C9orf43: variants seen among roughly 807,000 people sequenced by gnomAD.
C9orf43 encodes the protein uncharacterized protein C9orf43.
A neutral mutation model predicts 59.1 loss-of-function variants in C9orf43; 45 were observed. The observed-to-expected ratio is 0.76, with a 90% confidence interval of 0.60 to 0.98. The LOEUF (loss-of-function observed/expected upper bound fraction) is 0.98. Ranked by LOEUF, C9orf43 falls within the 50% of genes least tolerant of loss-of-function variation. The pLI is 0.00. For missense variants in C9orf43, 533 were observed against 554.9 expected, an observed-to-expected ratio of 0.96 and a Z score of 0.40; for synonymous variants, 203 against 196.8, an observed-to-expected ratio of 1.03 and a Z score of -0.26.
rs1828671980 is a variant in C9orf43 at position 113,423,552 on chromosome 9, C to G, written c.656+54C>G. On this transcript the variant is annotated intron_variant, in intron 7 of 13. Transcript: ENST00000374165. ...CCAGAGCACCTGCTTTTTACTGAAG[C>G]TGGGATGGGTCTAAACAGTGTGCTT... 5 of 1,551,470 alleles carry G rather than the reference C, an allele frequency of 3.2e-6. No homozygotes were observed. The South Asian group carries it at 5.7e-5, about 18-fold the overall frequency.
Position 113,429,444 on chromosome 9 carries a change from G to T in C9orf43, c.*58G>T. 2 of 1,494,700 alleles carry T rather than the reference G, an allele frequency of 1.3e-6. No homozygotes were observed. The highest frequency in any genetic ancestry group is 9.3e-7 in the Non-Finnish European group (1 of 1,080,460). 92.6% of individuals were successfully genotyped at this position (1,494,700 alleles called of 1,614,324 possible). A position where few individuals can be genotyped will look rare whatever the true frequency, so the allele number is the denominator to read the frequency against. Reference sequence around the variant, plus strand: ...CCTGGGGCAGCCGTGTTCCAAAGCGGGATGGCTGGTATCCTGAGGGCAGCA... The same window carrying T: ...CCTGGGGCAGCCGTGTTCCAAAGCGTGATGGCTGGTATCCTGAGGGCAGCA... On this transcript the variant is annotated 3_prime_UTR_variant, in exon 14 of 14. Transcript: ENST00000374165.
chr9:113,425,252 G>A, intron 9 of C9orf43, 92 bp from the exon 10 acceptor site: 1 of 1,576,242 alleles, frequency 6.3e-7, no homozygotes. Flanking sequence ...TCCTTACCAG[G>A]GAGTCACCAT....
rs772724913 is a variant in C9orf43 at position 113,424,126 on chromosome 9, AGCTGTT to A, written c.657-35_657-30del. 5 of 1,543,344 alleles carry A rather than the reference AGCTGTT, an allele frequency of 3.2e-6. No homozygotes were observed. The East Asian group carries it at 1.1e-4, about 35-fold the overall frequency. ...CTCCTCAGCCATGCTTTCCGGGAAGAGCTGTTGCTGACTGTCTGGCTGTCCTCTGTC... is the reference window on the plus strand; with the variant it reads ...CTCCTCAGCCATGCTTTCCGGGAAGAGCTGACTGTCTGGCTGTCCTCTGTC... On this transcript the variant is annotated intron_variant, in intron 7 of 13. Transcript: ENST00000374165.
chr9:113,414,897 G>T (rs1200375118), intron 3 of C9orf43, among the ~76,000 whole-genome samples: 2 of 151,922 alleles, frequency 1.3e-5, no homozygotes, highest in African/African-American at 4.8e-5. Context: ...ACCCAGGTTG[G>T]AGTGCAATGG....
chr9:113,417,351 T>C (rs1828403142), intron 3 of C9orf43, among the ~76,000 whole-genome samples: 1 of 152,232 alleles, frequency 6.6e-6, no homozygotes, highest in Non-Finnish European at 1.5e-5. Context: ...CTCCTGTTTG[T>C]CCAACTGGAT....
In C9orf43 at chr9:113,424,250, A is replaced by G. The variant is rs1470874266; in HGVS notation, c.741A>G (p.Glu247=). The G allele has an allele frequency of 6.2e-7, 1 of 1,613,990 alleles. No homozygotes were observed. Among genetic ancestry groups the G allele is most frequent in the Non-Finnish European group, 8.5e-7 (1 of 1,179,998 alleles). The part of the protein sequence containing the change: ...LAMMKKNLPL[E]KNRPDSVISS... ...TGATGAAAAAGAATCTTCCCTTGGA[A>G]AAGAACCGACCTGACAGTGTGATTT... Residue 247 remains glutamate (E), a synonymous_variant, in exon 8 of 14, where the codon GAA becomes GAG. Transcript: ENST00000374165.
At chr9:113,414,448 T>TA (rs1412791794) in intron 3 of C9orf43, among the ~76,000 whole-genome samples, 1 of 151,864 alleles carries the variant, frequency 6.6e-6, no homozygotes, top group East Asian at 1.9e-4. Context: ...TTAATTTTTT[T>TA]TTTTTTTTTT....
Position 113,429,535 on chromosome 9 carries a change from T to G in C9orf43, c.*149T>G. 1.6e-6 allele frequency: 1 copy of G among 643,016 alleles called. No homozygotes were observed. The highest frequency in any genetic ancestry group is 2.7e-6 in the Non-Finnish European group (1 of 369,506). The allele number at this position is 643,016 out of a possible 1,614,324, so 39.8% of individuals were successfully genotyped here. A position where few individuals can be genotyped will look rare whatever the true frequency, so the allele number is the denominator to read the frequency against. ...CTGGAGCCTTTACCAGGGCCTGAGC[T>G]CTGAGCTTAGGGATTCCATTTTCTT... is the stretch of plus-strand genomic sequence containing the variant. On this transcript the variant is annotated 3_prime_UTR_variant, in exon 14 of 14. Coordinates refer to ENST00000374165, the MANE Select transcript of C9orf43 (RefSeq NM_001278629.2).
chr9:113,413,512 A>G lies in C9orf43; in HGVS notation c.19A>G (p.Ser7Gly). MDLPDESQWDETTCGLA... is the reference protein window; with the variant it reads MDLPDEGQWDETTCGLA... ...TCTAGCTATGGACTTGCCAGATGAGAGCCAGTGGGACGAAACCACCTGTGG... is the reference window on the plus strand; with the variant it reads ...TCTAGCTATGGACTTGCCAGATGAGGGCCAGTGGGACGAAACCACCTGTGG... Residue 7 changes from serine to glycine, a missense_variant, in exon 2 of 14, where the codon AGC becomes GGC. Transcript: ENST00000374165. 2 of 1,613,710 alleles carry G rather than the reference A, an allele frequency of 1.2e-6. No homozygotes were observed. The highest frequency in any genetic ancestry group is 2.7e-5 in the African/African-American group (2 of 75,042).
intron 13 of C9orf43, 104 bp from the exon 14 acceptor site, chr9:113,429,068 T>C: frequency 1.3e-6 from 2 of 1,491,086 alleles, no homozygotes; most frequent in Non-Finnish European, 1.9e-6. Flanking sequence ...AGTTCCTCTA[T>C]CTCAGAGAAG....
At chr9:113,416,284 C>CT (rs1828354738) in intron 3 of C9orf43, among the ~76,000 whole-genome samples, 2 of 152,206 alleles carry the variant, frequency 1.3e-5, no homozygotes, top group Non-Finnish European at 2.9e-5. Flanking sequence ...GCCCCTTTAT[C>CT]AGAACTTTGT....
At chr9:113,416,172 T>C (rs1365970434) in intron 3 of C9orf43, among the ~76,000 whole-genome samples, 1 of 152,256 alleles carries the variant, frequency 6.6e-6, no homozygotes. Context: ...TGCAGTGGCT[T>C]CTGAACTGGT....
chr9:113,428,795 G>C, intron 12 of C9orf43, 105 bp from the exon 13 acceptor site: 1 of 994,070 alleles, frequency 1.0e-6, no homozygotes, highest in African/African-American at 1.6e-5. Context: ...TGGGTCTCTG[G>C]CTCATCTTAG....
At position 113,424,159 on chromosome 9, in the gene C9orf43, C is replaced by G. The variant is rs759218719; in HGVS notation, c.657-7C>G. On this transcript the variant is annotated splice_polypyrimidine_tract_variant and splice_region_variant and intron_variant, in intron 7 of 13. Transcript: ENST00000374165. ...CTGACTGTCTGGCTGTCCTCTGTCC[C>G]CTTCAGACTTTTGCCAGGTGGAAAG... is the stretch of plus-strand genomic sequence containing the variant. 3.5e-5 allele frequency: 56 copies of G among 1,602,026 alleles called. 1 individual carries two copies. In the South Asian group the frequency reaches 6.1e-4, roughly 17 times the overall value.
At position 113,413,465 on chromosome 9, in the gene C9orf43, T is replaced by C. The variant is rs1360156499; in HGVS notation, c.-29T>C. 1 of 1,600,504 alleles carries C rather than the reference T, an allele frequency of 6.2e-7. No homozygotes were observed. On this transcript the variant is annotated 5_prime_UTR_variant, in exon 2 of 14. Transcript: ENST00000374165. ...TCCAGAGCACTAGAATGCTGCAGGG[T>C]TGGCCTTTGGCCTAAACCATTTCTA...
At chr9:113,423,273 G>A (rs1217629868) in intron 6 of C9orf43, 53 bp from the exon 7 acceptor site, 1 of 1,568,460 alleles carries the variant, frequency 6.4e-7, no homozygotes, top group African/African-American at 1.4e-5. Context: ...TGATGGAAAG[G>A]ACTAGGCTAA....
intron 3 of C9orf43, among the ~76,000 whole-genome samples, chr9:113,416,963 T>G (rs1361979998): frequency 2.6e-5 from 4 of 152,230 alleles, no homozygotes; most frequent in African/African-American, 9.6e-5. Flanking sequence ...AATGTTGCTT[T>G]TTCACAGAAG....
chr9:113,429,326 T>A lies in C9orf43; in HGVS notation c.1326T>A (p.Leu442=). 1 of 1,614,174 alleles carries A rather than the reference T, an allele frequency of 6.2e-7. No individual in the cohort carries two copies. The highest frequency in any genetic ancestry group is 8.5e-7 in the Non-Finnish European group (1 of 1,180,028). ...STGWNSELKL[L]RILQDTDDED... is the part of the protein sequence containing the mutation. ...GCTGGAACTCTGAGCTCAAACTACT[T>A]AGGATTCTTCAGGACACTGATGATG... is the stretch of plus-strand genomic sequence containing the variant. The change falls in exon 14 of 14, where the codon CTT becomes CTA. Residue 442 remains leucine, a synonymous_variant. Coordinates refer to ENST00000374165, the MANE Select transcript of C9orf43 (RefSeq NM_001278629.2).
chr9:113,423,336 C>T lies in C9orf43; in HGVS notation c.494C>T (p.Ser165Leu). The T allele has an allele frequency of 2.5e-6, 4 of 1,613,584 alleles. No individual in the cohort carries two copies. The highest frequency in any genetic ancestry group is 3.4e-6 in the Non-Finnish European group (4 of 1,179,638). ...KRKNSAVKSK[S>L]FLGLSGNQSA... is the part of the protein sequence containing the mutation. ...TTGTTTCTCTTCCAGAAAAGCAAGTCATTTCTGGGTCTCTCTGGAAATCAG... is the reference window on the plus strand; with the variant it reads ...TTGTTTCTCTTCCAGAAAAGCAAGTTATTTCTGGGTCTCTCTGGAAATCAG... Residue 165 changes from serine to leucine, a missense_variant, in exon 7 of 14, where the codon TCA becomes TTA. Coordinates refer to ENST00000374165, the MANE Select transcript of C9orf43 (RefSeq NM_001278629.2).
Sources: gnomAD v4.1 joint callset for allele counts (sites outside exome capture counted in the v4.1 genomes callset) on GRCh38, gnomAD v4.1.1 for gene constraint, MANE v1.5 for transcripts, NCBI Gene and HGNC (gene_info 2026-07-23, HGNC 2026-07-21) for gene names.